DNHD1: variants seen among roughly 807,000 people sequenced by gnomAD.
The protein encoded by DNHD1 is dynein heavy chain domain-containing protein 1.
A neutral mutation model predicts 458.1 loss-of-function variants in DNHD1; 383 were observed. The observed-to-expected ratio is 0.84, with a 90% CI of 0.77 to 0.91. The LOEUF (loss-of-function observed/expected upper bound fraction) is 0.91, where lower values mean the gene tolerates loss of function less well. DNHD1 is among the 40% of genes least tolerant of loss of function. DNHD1 has a pLI of 0.00. For synonymous variants in DNHD1, 2,203 were observed against 2,376.9 expected (o/e 0.93, Z 2.13); for missense variants, 5,336 against 5,866.1 (o/e 0.91, Z 2.95).
Position 6,563,091 on chromosome 11 carries a change from G to A in DNHD1, c.9629G>A (p.Arg3210Gln), listed in dbSNP as rs1016915947. ...CTCATTGAGAACCTGGCCAGGCAAC[G>A]GGATGCCCTGCAAGCTCAGCGAGAG... ...ENLIENLARQ[R>Q]DALQAQREAF... The change falls in exon 29 of 43, where the codon CGG (arginine) becomes CAG (glutamine). Residue 3210 changes from arginine (R) to glutamine (Q), a missense_variant. By Grantham distance (43) the Arg-to-Gln change is conservative. Transcript: ENST00000254579. 24 of 1,551,556 alleles carry A rather than the reference G, an allele frequency of 1.5e-5. No homozygotes were observed. In the East Asian group the frequency reaches 2.0e-4, roughly 13 times the overall value.
Position 6,567,120 on chromosome 11 carries a change from C to T in DNHD1, c.11611C>T (p.Leu3871=), listed in dbSNP as rs777257103. ...GGCCCTAAGCCAACTGCAGAACCTG[C>T]TGCCACTTTTCTGTATGAGCCCAGA... ...VKALSQLQNL[L]PLFCMSPENW... is the part of the protein sequence containing the mutation. The change falls in exon 36 of 43, where the codon CTG becomes TTG. Residue 3871 remains leucine, a synonymous_variant. Coordinates refer to ENST00000254579, the MANE Select transcript of DNHD1 (RefSeq NM_144666.3). The T allele has an allele frequency of 1.9e-6, 3 of 1,614,068 alleles. No homozygotes were observed. The South Asian group carries it at 3.3e-5, about 18-fold the overall frequency.
chr11:6,566,513 C>T (rs1274985250), intron 34 of DNHD1, 74 bp from the exon 35 acceptor site: 1 of 1,560,926 alleles, frequency 6.4e-7, no homozygotes, highest in Non-Finnish European at 8.7e-7. Flanking sequence ...TAGCAGGGAG[C>T]CATACTCCCT....
chr11:6,561,055 A>C lies in DNHD1; in HGVS notation c.9519+1772A>C, dbSNP rs138521894. Among the ~76,000 whole-genome samples, 426 of 152,274 alleles carry C rather than the reference A, an allele frequency of 2.8e-3. 2 individuals carry two copies. The highest frequency in any genetic ancestry group is 9.8e-3 in the African/African-American group (407 of 41,554). ...TTAGGGAGACTTCCCTAACCTTATA[A>C]GGTTGTGATGAGGATTAAACAAGAT... On this transcript the variant is annotated intron_variant, in intron 28 of 42. Coordinates refer to ENST00000254579, the MANE Select transcript of DNHD1 (RefSeq NM_144666.3).
At chr11:6,512,255 C>G (rs1852353997) in intron 7 of DNHD1, among the ~76,000 whole-genome samples, 3 of 118,160 alleles carry the variant, frequency 2.5e-5, no homozygotes, top group Non-Finnish European at 4.8e-5. Context: ...GAGTCTCGCT[C>G]TGTCACCCAG....
rs1465065465 is a variant in DNHD1 at position 6,564,421 on chromosome 11, G to A, written c.10373G>A (p.Arg3458Gln). The change falls in exon 32 of 43, where the codon CGG becomes CAG. Residue 3458 changes from arginine (R) to glutamine (Q), a missense_variant. Coordinates refer to ENST00000254579, the MANE Select transcript of DNHD1 (RefSeq NM_144666.3). ...IIYLGPFPPL[R>Q]RQELLDEWLA... ...TACCTGGGTCCCTTCCCACCATTGC[G>A]GCGCCAAGAGCTACTGGACGAGTGG... 10 of 1,551,566 alleles carry A rather than the reference G, an allele frequency of 6.4e-6. No homozygotes were observed. The highest frequency in any genetic ancestry group is 1.7e-4 in the Middle Eastern group (1 of 6,014).
chr11:6,519,864 TG>T lies in DNHD1; in HGVS notation c.1647+13del, dbSNP rs1852568774. On this transcript the variant is annotated intron_variant, in intron 8 of 42. Coordinates refer to ENST00000254579, the MANE Select transcript of DNHD1 (RefSeq NM_144666.3). Reference sequence around the variant, plus strand: ...GGCCAACATCCTTCAAGTGAGGTGGTGGGTGGCATGTGTGGAGGTGGCAGGC... The same window carrying T: ...GGCCAACATCCTTCAAGTGAGGTGGTGGTGGCATGTGTGGAGGTGGCAGGC... 6 of 1,612,546 alleles carry T rather than the reference TG, an allele frequency of 3.7e-6. No homozygotes were observed. The African/African-American group carries it at 6.7e-5, about 18-fold the overall frequency.
chr11:6,502,543 T>G (rs1364800954), intron 3 of DNHD1, among the ~76,000 whole-genome samples: 1 of 152,196 alleles, frequency 6.6e-6, no homozygotes, highest in Non-Finnish European at 1.5e-5. Context: ...GTGTCAATAT[T>G]GTTGCCTAAC....
chr11:6,566,669 T>C lies in DNHD1; in HGVS notation c.11289T>C (p.His3763=), dbSNP rs368353675. 3 of 1,613,532 alleles carry C rather than the reference T, an allele frequency of 1.9e-6. No individual in the cohort carries two copies. Among genetic ancestry groups the C allele is most frequent in the Non-Finnish European group, 2.5e-6 (3 of 1,179,728 alleles). Residue 3763 remains histidine, a synonymous_variant, in exon 35 of 43, where the codon CAT becomes CAC. Transcript: ENST00000254579. ...NMEILEEQML[H]EILCREYPEL... ...AAATACTGGAAGAACAGATGCTGCA[T>C]GAAATCTTGTGCAGAGAGTATCCTG... is the stretch of plus-strand genomic sequence containing the variant.
chr11:6,566,431 G>A (rs769506687), intron 34 of DNHD1, 38 bp downstream of exon 34: 8 of 1,553,952 alleles, frequency 5.1e-6, no homozygotes, highest in Non-Finnish European at 7.0e-6. Flanking sequence ...ACAGTTGTGT[G>A]GACACACTAG....
chr11:6,557,848 C>A lies in DNHD1; in HGVS notation c.8553C>A (p.Thr2851=), dbSNP rs1853501464. 1 of 1,551,132 alleles carries A rather than the reference C, an allele frequency of 6.4e-7. No homozygotes were observed. The highest frequency in any genetic ancestry group is 8.7e-7 in the Non-Finnish European group (1 of 1,146,960). ...AGAAGCTAGAGGAGCAGTTGGCCAC[C>A]TCAGCTGCTCAACTGAAGTTGAGCC... ...QWEKLEEQLA[T]SAAQLKLSPH... Residue 2851 remains threonine (T), a synonymous_variant, in exon 25 of 43, where the codon ACC becomes ACA. Coordinates refer to ENST00000254579, the MANE Select transcript of DNHD1 (RefSeq NM_144666.3).
intron 4 of DNHD1, chr11:6,503,948 T>C (rs923918696): frequency 4.6e-5 from 7 of 152,356 alleles, no homozygotes; most frequent in African/African-American, 9.6e-5. Flanking sequence ...TATTTCTATA[T>C]ATGAGATGAG....
Position 6,548,785 on chromosome 11 carries a change from C to A in DNHD1, c.7239C>A (p.Ile2413=), listed in dbSNP as rs1343825991. ...ATCACCCTTACATATACAGCCCCAT[C>A]CACCCTGCCTTCAGTTCCTCCCACC... ...EPHHPYIYSP[I]HPAFSSSHLR... The change falls in exon 24 of 43, where the codon ATC becomes ATA. Residue 2413 remains isoleucine, a synonymous_variant. Transcript: ENST00000254579. The surrounding 1 kb of genome is among the most constrained non-coding windows in gnomAD (Gnocchi z 4.4). 2 of 1,551,570 alleles carry A rather than the reference C, an allele frequency of 1.3e-6. No homozygotes were observed. Among genetic ancestry groups the A allele is most frequent in the Non-Finnish European group, 1.7e-6 (2 of 1,147,010 alleles).
chr11:6,528,408 T>TGTGG (rs1852756960), intron 10 of DNHD1, 114 bp from the exon 11 acceptor site: 2 of 682,330 alleles, frequency 2.9e-6, no homozygotes. Context: ...CGAATGGGTG[T>TGTGG]GTGTGTGTGT....
Position 6,528,681 on chromosome 11 carries a change from G to C in DNHD1, c.1997G>C (p.Arg666Pro), listed in dbSNP as rs926208723. Residue 666 changes from arginine to proline, a missense_variant, in exon 11 of 43, where the codon CGG becomes CCG. Physicochemically the swap from Arg to Pro is moderately radical, Grantham distance 103. Coordinates refer to ENST00000254579, the MANE Select transcript of DNHD1 (RefSeq NM_144666.3). ...IAGILEVRGC[R>P]LRGQYFPHNY... ...GGTATCTTGGAGGTCCGTGGATGTCGGCTGCGGGGCCAATACTTCCCCCAC... is the reference window on the plus strand; with the variant it reads ...GGTATCTTGGAGGTCCGTGGATGTCCGCTGCGGGGCCAATACTTCCCCCAC... 6.4e-7 allele frequency: 1 copy of C among 1,551,666 alleles called. No homozygotes were observed. Among genetic ancestry groups the C allele is most frequent in the Non-Finnish European group, 8.7e-7 (1 of 1,146,990 alleles).
At chr11:6,512,207 C>CTTTT (rs1852346973) in intron 7 of DNHD1, among the ~76,000 whole-genome samples, 1 of 106,842 alleles carries the variant, frequency 9.4e-6, no homozygotes, top group African/African-American at 4.1e-5. Context: ...TTTTCTTTTT[C>CTTTT]TTTCTTTTTT....
rs371127630 is a variant in DNHD1, at chr11:6,539,831, C to T, written c.3421-45C>T. The T allele has an allele frequency of 2.1e-4, 316 of 1,532,146 alleles. 1 individual carries two copies. The African/African-American group carries it at 3.7e-3, about 18-fold the overall frequency. The allele number at this position is 1,532,146 out of a possible 1,614,324, so 94.9% of individuals were successfully genotyped here. A position where few individuals can be genotyped will look rare whatever the true frequency, so the allele number is the denominator to read the frequency against. On this transcript the variant is annotated intron_variant, in intron 17 of 42. Coordinates refer to ENST00000254579, the MANE Select transcript of DNHD1 (RefSeq NM_144666.3). ...CAAGTCTCGGCTCCAAGCCTGTCCC[C>T]GAAGCAGTTACCCAGTCCTGGTTCC...
chr11:6,530,924 G>T (rs1159166685), intron 12 of DNHD1, among the ~76,000 whole-genome samples: 1 of 138,074 alleles, frequency 7.2e-6, no homozygotes, highest in East Asian at 2.2e-4. Flanking sequence ...GGAGCAGGTG[G>T]AGAGAAATGA....
In DNHD1 at chr11:6,567,059, T is replaced by C; in HGVS notation, c.11550T>C (p.Tyr3850=). Residue 3850 remains tyrosine, a synonymous_variant, in exon 36 of 43, where the codon TAT becomes TAC. Coordinates refer to ENST00000254579, the MANE Select transcript of DNHD1 (RefSeq NM_144666.3). ...KLQEMVLWAP[Y]RPVVWHGMAM... is the part of the protein sequence containing the mutation. Reference sequence around the variant, plus strand: ...AGGAGATGGTATTGTGGGCACCCTATCGACCTGTGGTTTGGCATGGAATGG... The same window carrying C: ...AGGAGATGGTATTGTGGGCACCCTACCGACCTGTGGTTTGGCATGGAATGG... The C allele has an allele frequency of 6.2e-7, 1 of 1,614,002 alleles. No individual in the cohort carries two copies. The highest frequency in any genetic ancestry group is 8.5e-7 in the Non-Finnish European group (1 of 1,179,882).
chr11:6,570,456 C>G (rs1346063996), intron 41 of DNHD1, 60 bp downstream of exon 41: 1 of 1,527,338 alleles, frequency 6.5e-7, no homozygotes, highest in South Asian at 1.3e-5. Context: ...ATGCCACCCC[C>G]CACAGAAATG....
Sources: allele counts gnomAD v4.1 joint callset (sites outside exome capture counted in the v4.1 genomes callset), GRCh38; gene constraint gnomAD v4.1.1; non-coding constraint Gnocchi (gnomAD v3.1); transcripts MANE v1.5; gene names NCBI Gene and HGNC (gene_info 2026-07-23, HGNC 2026-07-21).